The following JARID2 variants were observed in gnomAD, a reference collection of about 807,000 sequenced individuals.
JARID2 encodes the protein jumonji and AT-rich interaction domain containing 2.
In JARID2, 21 loss-of-function variants were observed where a neutral mutation model predicts 125.6. The ratio of observed to expected loss-of-function variants is 0.17; its 90% CI spans 0.12 to 0.24. The LOEUF is 0.24. Among genes scored for constraint, JARID2 ranks in the 10% least tolerant of loss-of-function variants. The pLI, the probability that JARID2 is intolerant of heterozygous loss-of-function variation, is 1.00. For synonymous variants in JARID2, 736 were observed against 661.6 expected (o/e 1.11, Z -1.73); for missense variants, 1,303 against 1,639.6 (o/e 0.79, Z 3.55).
At chr6:15,436,240 G>A (rs1179714072) in intron 3 of JARID2, among the ~76,000 whole-genome samples, 1 of 152,186 alleles carries the variant, frequency 6.6e-6, no homozygotes, top group Non-Finnish European at 1.5e-5. Flanking sequence ...CGGATCACAC[G>A]TGGGCTTGGA....
intron 3 of JARID2, among the ~76,000 whole-genome samples, chr6:15,447,109 A>G (rs981281393): frequency 3.3e-5 from 5 of 152,148 alleles, no homozygotes; most frequent in African/African-American, 1.2e-4. Context: ...CTTTTAATTC[A>G]CATACACGCC....
rs150956399 is a variant in JARID2, at chr6:15,272,559, A to G, written c.45+25975A>G. On this transcript the variant is annotated intron_variant, in intron 1 of 17. Transcript: ENST00000341776. ...ACTTCTTACCACAACTCTGTGACTTAGCCATTTCCCCCAAATTGCAGCTGT... is the reference window on the plus strand; with the variant it reads ...ACTTCTTACCACAACTCTGTGACTTGGCCATTTCCCCCAAATTGCAGCTGT... Among the ~76,000 whole-genome samples, 1,403 of 152,336 alleles carry G rather than the reference A, an allele frequency of 9.2e-3. 10 individuals are homozygous for G. The highest frequency in any genetic ancestry group is 0.014 in the Non-Finnish European group (954 of 68,030).
intron 9 of JARID2, 72 bp downstream of exon 9, chr6:15,504,664 C>T: frequency 1.1e-6 from 1 of 934,874 alleles, no homozygotes; most frequent in Non-Finnish European, 1.7e-6. Context: ...GACATCCTGT[C>T]CTGCCCTGAC....
chr6:15,380,037 G>T (rs1265991013), intron 2 of JARID2, among the ~76,000 whole-genome samples: 1 of 151,010 alleles, frequency 6.6e-6, no homozygotes, highest in African/African-American at 2.4e-5. Flanking sequence ...TTTGGTCGGG[G>T]GCCGGGGGTG....
At position 15,520,226 on chromosome 6, in the gene JARID2, C is replaced by A. The variant is rs146408706; in HGVS notation, c.3716C>A (p.Ser1239Tyr). Residue 1239 changes from serine (S) to tyrosine (Y), a missense_variant, in exon 18 of 18, where the codon TCC (serine) becomes TAC (tyrosine). Around this residue, in one of 11 missense-constraint regions of JARID2, gnomAD observed 75 missense variants for 66.0 expected, o/e 1.14. Transcript: ENST00000341776. The stretch of plus-strand genomic sequence containing the variant: ...TCCCGTCTGTCAGCCTCCAGTTCAT[C>A]CAAAAGTGCTTCGAGCTCATCATGA... ...PPSRLSASSS[S>Y]KSASSSS The A allele has an allele frequency of 4.8e-5, 77 of 1,610,998 alleles. No individual in the cohort carries two copies. In the Middle Eastern group the frequency reaches 2.3e-3, roughly 48 times the overall value.
In JARID2 at chr6:15,381,796, C is replaced by T. The variant is rs1442047849; in HGVS notation, c.181+7544C>T. Among the ~76,000 whole-genome samples the T allele has an allele frequency of 2.6e-5, 4 of 152,176 alleles. No homozygotes were observed. In the East Asian group the frequency reaches 7.7e-4, roughly 29 times the overall value. The stretch of plus-strand genomic sequence containing the variant: ...TGCTTACTTTGGTCAAGTCCTAATA[C>T]CTTATTTCATCCCTTCTAAGATGTC... On this transcript the variant is annotated intron_variant, in intron 2 of 17. Coordinates refer to ENST00000341776, the MANE Select transcript of JARID2 (RefSeq NM_004973.4).
chr6:15,353,252 T>TGGTA (rs1411044911), intron 1 of JARID2, among the ~76,000 whole-genome samples: 5 of 152,190 alleles, frequency 3.3e-5, no homozygotes, highest in African/African-American at 1.2e-4. Context: ...AGGTGTGAAG[T>TGGTA]GGTATCGCAT....
intron 1 of JARID2, among the ~76,000 whole-genome samples, chr6:15,310,238 T>C (rs79803451): frequency 0.041 from 6,283 of 152,216 alleles, 196 homozygotes; most frequent in African/African-American, 0.088. Context: ...TAAAAATACA[T>C]GAATATTAGT....
chr6:15,283,778 T>G (rs1760883388), intron 1 of JARID2, among the ~76,000 whole-genome samples: 1 of 148,880 alleles, frequency 6.7e-6, no homozygotes, highest in Admixed American at 6.8e-5. Flanking sequence ...CGATCACGGC[T>G]CACTGCAAGC....
chr6:15,517,097 C>G (rs1771598938), intron 16 of JARID2, 64 bp from the exon 17 acceptor site: 2 of 1,278,278 alleles, frequency 1.6e-6, no homozygotes, highest in East Asian at 2.3e-5. Context: ...GTGCTCCTAC[C>G]TTACCCTCCC....
intron 1 of JARID2, among the ~76,000 whole-genome samples, chr6:15,344,699 A>T (rs1763190319): frequency 1.3e-5 from 2 of 152,072 alleles, no homozygotes; most frequent in African/African-American, 4.8e-5. Context: ...TTCTTTATAG[A>T]TTTCCACCCA....
chr6:15,297,613 T>C (rs2127405591), intron 1 of JARID2, among the ~76,000 whole-genome samples: 1 of 152,134 alleles, frequency 6.6e-6, no homozygotes, highest in Non-Finnish European at 1.5e-5. Context: ...AGCACTGGGA[T>C]TTACAGGCAT....
intron 1 of JARID2, among the ~76,000 whole-genome samples, chr6:15,320,850 C>T (rs566896979): frequency 5.2e-5 from 7 of 135,020 alleles, no homozygotes; most frequent in African/African-American, 2.0e-4. Flanking sequence ...CTCTCTCTCT[C>T]TCTGTGTGTG....
intron 3 of JARID2, among the ~76,000 whole-genome samples, chr6:15,447,378 A>AT (rs536087376): frequency 1.7e-3 from 140 of 80,612 alleles, no homozygotes; most frequent in African/African-American, 7.0e-3. Flanking sequence ...TGAAGAATTA[A>AT]TAAAAAAAAC....
chr6:15,356,255 G>C (rs1485999669), intron 1 of JARID2, among the ~76,000 whole-genome samples: 3 of 152,122 alleles, frequency 2.0e-5, no homozygotes, highest in Non-Finnish European at 4.4e-5. Context: ...TATGTATAAT[G>C]CTGCTGTGAA....
intron 3 of JARID2, among the ~76,000 whole-genome samples, chr6:15,417,106 G>A (rs575602002): frequency 2.6e-5 from 4 of 152,248 alleles, no homozygotes; most frequent in Admixed American, 6.5e-5. Context: ...CTGAGTTGGC[G>A]ACTAAAATAG....
Position 15,496,974 on chromosome 6 carries a change from G to A in JARID2, c.1749G>A (p.Lys583=). 1 of 1,613,790 alleles carries A rather than the reference G, an allele frequency of 6.2e-7. No individual in the cohort carries two copies. The highest frequency in any genetic ancestry group is 8.5e-7 in the Non-Finnish European group (1 of 1,179,768). ...YIESVRAQVE[K]FGMCRVIPPP... ...AGTCGGTCCGCGCTCAGGTGGAGAA[G>A]TTCGGGATGTGCAGGGTGATCCCCC... The change falls in exon 7 of 18, where the codon AAG becomes AAA. Residue 583 remains lysine, a synonymous_variant. Coordinates refer to ENST00000341776, the MANE Select transcript of JARID2 (RefSeq NM_004973.4).
At position 15,501,140 on chromosome 6, in the gene JARID2, A is replaced by G. The variant is rs1199736578; in HGVS notation, c.2179A>G (p.Lys727Glu). The G allele has an allele frequency of 6.2e-7, 1 of 1,614,020 alleles. No individual in the cohort carries two copies. Among genetic ancestry groups the G allele is most frequent in the Admixed American group, 1.7e-5 (1 of 60,024 alleles). ...GCTGGAGAAGGAGGTGCTGATGGAGAAGGAGATCCTGGAGAAGCGCAAGGG... is the reference window on the plus strand; with the variant it reads ...GCTGGAGAAGGAGGTGCTGATGGAGGAGGAGATCCTGGAGAAGCGCAAGGG... ...RRLEKEVLME[K>E]EILEKRKGPL... The change falls in exon 8 of 18, where the codon AAG becomes GAG. Residue 727 changes from lysine (K) to glutamate (E), a missense_variant. By Grantham distance (56) the Lys-to-Glu change is moderately conservative. Transcript: ENST00000341776.
chr6:15,504,242 G>C (rs1770886341), intron 8 of JARID2, among the ~76,000 whole-genome samples: 1 of 152,254 alleles, frequency 6.6e-6, no homozygotes, highest in East Asian at 1.9e-4. Context: ...AGGGCCTCTG[G>C]GCGGCAGCCT....
Sources: allele counts gnomAD v4.1 joint callset (sites outside exome capture counted in the v4.1 genomes callset), GRCh38; gene constraint gnomAD v4.1.1; regional missense constraint gnomAD v4.1.1; transcripts MANE v1.5; gene names NCBI Gene and HGNC (gene_info 2026-07-23, HGNC 2026-07-21).